EFR3B: variants seen among roughly 807,000 people sequenced by gnomAD.
The protein encoded by EFR3B is protein EFR3 homolog B.
EFR3B carries 64 observed loss-of-function variants against 104.7 expected under a neutral mutation model. The ratio of observed to expected loss-of-function variants is 0.61; its 90% CI spans 0.50 to 0.75. EFR3B has a LOEUF of 0.75. EFR3B is among the 30% of genes least tolerant of loss of function. The pLI, the probability that EFR3B is intolerant of heterozygous loss-of-function variation, is 0.00. For synonymous variants in EFR3B, 385 were observed against 417.9 expected, an observed-to-expected ratio of 0.92 and a Z score of 0.96; for missense variants, 750 against 1,078.5, an observed-to-expected ratio of 0.70 and a Z score of 4.27.
chr2:25,148,788 G>A (rs1033293102), intron 19 of EFR3B, among the ~76,000 whole-genome samples: 3 of 151,316 alleles, frequency 2.0e-5, no homozygotes, highest in African/African-American at 7.3e-5. Context: ...CGGGCGTAGT[G>A]GTGGGCGCCT....
chr2:25,139,966 C>T (rs1339524306), intron 16 of EFR3B, among the ~76,000 whole-genome samples: 2 of 152,168 alleles, frequency 1.3e-5, no homozygotes, highest in African/African-American at 2.4e-5. Context: ...TCTTTTAAAA[C>T]ACATGGAAGT....
chr2:25,100,152 C>T (rs981488690), intron 3 of EFR3B, among the ~76,000 whole-genome samples: 2 of 151,766 alleles, frequency 1.3e-5, no homozygotes, highest in African/African-American at 2.4e-5. Context: ...TGTAGTGAGC[C>T]GAGATTGCGC....
At chr2:25,075,897 C>T (rs1191614356) in intron 1 of EFR3B, among the ~76,000 whole-genome samples, 2 of 152,100 alleles carry the variant, frequency 1.3e-5, no homozygotes, top group Admixed American at 6.6e-5. Context: ...GCCTTGTCCT[C>T]GGGTAGGGTC....
chr2:25,061,138 T>TG (rs1668182235), intron 1 of EFR3B, among the ~76,000 whole-genome samples: 1 of 151,934 alleles, frequency 6.6e-6, no homozygotes, highest in East Asian at 2.0e-4. Context: ...TTTTTTTTTT[T>TG]TTTTTGAAAC....
intron 1 of EFR3B, among the ~76,000 whole-genome samples, chr2:25,053,074 C>A (rs934800933): frequency 6.6e-6 from 1 of 152,184 alleles, no homozygotes; most frequent in Admixed American, 6.5e-5. Context: ...TCTGAATAGT[C>A]CAGAGAATAC....
rs1670540005 is a variant in EFR3B, at chr2:25,137,238, A to G, written c.1561-103A>G. On this transcript the variant is annotated intron_variant, in intron 14 of 22. Transcript: ENST00000403714. This position sits in a 1 kb window ranked among gnomAD's most constrained non-coding sequence, Gnocchi z 4.7. The stretch of plus-strand genomic sequence containing the variant: ...CCCTCCCCAAGGGAGGAGGGGGCAC[A>G]CAGCCATCCTGCCCCCCTTCAGATT... 1 of 1,341,228 alleles carries G rather than the reference A, an allele frequency of 7.5e-7. No individual in the cohort carries two copies. The highest frequency in any genetic ancestry group is 1.0e-6 in the Non-Finnish European group (1 of 981,328). The allele number at this position is 1,341,228 out of a possible 1,614,324, so 83.1% of individuals were successfully genotyped here.
rs545284842 is a variant in EFR3B at position 25,069,448 on chromosome 2, C to A, written c.8-21877C>A. ...AAGTGAGGCTTAGTCTGTGACGGTTCTTGGCTTTGCCCAGGAAAGAATTCA... is the reference window on the plus strand; with the variant it reads ...AAGTGAGGCTTAGTCTGTGACGGTTATTGGCTTTGCCCAGGAAAGAATTCA... On this transcript the variant is annotated intron_variant, in intron 1 of 22. Coordinates refer to ENST00000403714, the MANE Select transcript of EFR3B (RefSeq NM_014971.2). 1.0e-3 allele frequency among the ~76,000 whole-genome samples: 157 copies of A among 152,254 alleles called. 1 individual carries two copies. The highest frequency in any genetic ancestry group is 3.7e-3 in the African/African-American group (154 of 41,536).
At chr2:25,142,218 G>A (rs1340790724) in intron 17 of EFR3B, among the ~76,000 whole-genome samples, 5 of 152,078 alleles carry the variant, frequency 3.3e-5, no homozygotes, top group Admixed American at 6.6e-5. Flanking sequence ...TAAGGTGGGC[G>A]GATCACTTGA....
chr2:25,111,233 C>G (rs1365335603), intron 4 of EFR3B, among the ~76,000 whole-genome samples: 1 of 152,226 alleles, frequency 6.6e-6, no homozygotes, highest in African/African-American at 2.4e-5. Context: ...CCAGCCACCC[C>G]TCTCCATTGT....
In EFR3B at chr2:25,122,446, C is replaced by T. The variant is rs540263435; in HGVS notation, c.485+652C>T. Among the ~76,000 whole-genome samples, 15 of 151,232 alleles carry T rather than the reference C, an allele frequency of 9.9e-5. No individual in the cohort carries two copies. The South Asian group carries it at 3.2e-3, about 32-fold the overall frequency. On this transcript the variant is annotated intron_variant, in intron 5 of 22. Transcript: ENST00000403714. Reference sequence around the variant, plus strand: ...TGCATTTATACTCCAGAAACACACCCACTCACCATTAACCATCAAAATCTA... The same window carrying T: ...TGCATTTATACTCCAGAAACACACCTACTCACCATTAACCATCAAAATCTA...
Position 25,154,443 on chromosome 2 carries a change from A to G in EFR3B, c.*103A>G. On this transcript the variant is annotated 3_prime_UTR_variant, in exon 23 of 23. Transcript: ENST00000403714. This position sits in a 1 kb window ranked among gnomAD's most constrained non-coding sequence, Gnocchi z 4.1. Reference sequence around the variant, plus strand: ...ATCTGGCTGTGATCTCTGAGAAAACATCACCTTAGATGGCAGCGCCTCCCA... The same window carrying G: ...ATCTGGCTGTGATCTCTGAGAAAACGTCACCTTAGATGGCAGCGCCTCCCA... The G allele has an allele frequency of 9.1e-7, 1 of 1,099,102 alleles. No homozygotes were observed. The highest frequency in any genetic ancestry group is 1.3e-6 in the Non-Finnish European group (1 of 756,552). 68.1% of individuals were successfully genotyped at this position (1,099,102 alleles called of 1,614,324 possible).
At chr2:25,060,152 C>T (rs1208219149) in intron 1 of EFR3B, among the ~76,000 whole-genome samples, 6 of 152,046 alleles carry the variant, frequency 3.9e-5, no homozygotes, top group South Asian at 2.1e-4. Context: ...GCTGAGATCA[C>T]GCCATTGCAC....
rs73920648 is a variant in EFR3B at position 25,089,836 on chromosome 2, G to A, written c.8-1489G>A. Among the ~76,000 whole-genome samples the A allele has an allele frequency of 5.8e-3, 884 of 152,218 alleles. 9 individuals are homozygous for A. Among genetic ancestry groups the A allele is most frequent in the African/African-American group, 0.02 (812 of 41,536 alleles). ...GCCTGGTCCCTTCTGTGCTGGGGCG[G>A]GTGGAAGCTGAGGGTGGTGGAGGGG... is the stretch of plus-strand genomic sequence containing the variant. On this transcript the variant is annotated intron_variant, in intron 1 of 22. Coordinates refer to ENST00000403714, the MANE Select transcript of EFR3B (RefSeq NM_014971.2).
In EFR3B at chr2:25,135,561, A is replaced by C. The variant is rs1205506318; in HGVS notation, c.1406A>C (p.Glu469Ala). 6.4e-7 allele frequency: 1 copy of C among 1,552,028 alleles called. No homozygotes were observed. The highest frequency in any genetic ancestry group is 8.7e-7 in the Non-Finnish European group (1 of 1,147,068). Residue 469 changes from glutamate to alanine, a missense_variant, in exon 13 of 23, where the codon GAA becomes GCA. Transcript: ENST00000403714. ...TCCACCGCCCTCATGGAGGATGCAG[A>C]AATTCGACTCTTTGTTCTAGAGATT... ...LLSTALMEDA[E>A]IRLFVLEILI...
chr2:25,105,206 G>A, intron 4 of EFR3B, among the ~76,000 whole-genome samples: 1 of 152,172 alleles, frequency 6.6e-6, no homozygotes, highest in South Asian at 2.1e-4. Context: ...AGGCTGGAGT[G>A]CAGTGGCACA....
At position 25,137,886 on chromosome 2, in the gene EFR3B, C is replaced by T. The variant is rs936097053; in HGVS notation, c.1722+384C>T. The stretch of plus-strand genomic sequence containing the variant: ...CATTTGTCTAAAGATTCTCTGGTTC[C>T]CTTGGCCGGGCGTGGTGGCTCATGC... On this transcript the variant is annotated intron_variant, in intron 15 of 22. Transcript: ENST00000403714. This position sits in a 1 kb window ranked among gnomAD's most constrained non-coding sequence, Gnocchi z 4.7. 6.6e-6 allele frequency among the ~76,000 whole-genome samples: 1 copy of T among 152,150 alleles called. No homozygotes were observed. Among genetic ancestry groups the T allele is most frequent in the Non-Finnish European group, 1.5e-5 (1 of 68,036 alleles).
chr2:25,098,903 T>TC (rs201917473), intron 3 of EFR3B, among the ~76,000 whole-genome samples: 1 of 151,048 alleles, frequency 6.6e-6, no homozygotes, highest in African/African-American at 2.4e-5. Flanking sequence ...TCTGGCATTT[T>TC]TTCAGGAAGA....
chr2:25,042,593 C>T lies in EFR3B; in HGVS notation c.7+274C>T. ...GGCGGAGGCTCAGGGGAAAGCGGGT[C>T]TCCCGGAGCCGAGCAGACCGGGAGT... On this transcript the variant is annotated intron_variant, in intron 1 of 22. Coordinates refer to ENST00000403714, the MANE Select transcript of EFR3B (RefSeq NM_014971.2). The surrounding 1 kb of genome is among the most constrained non-coding windows in gnomAD (Gnocchi z 5.4). 1 of 1,192,270 alleles carries T rather than the reference C, an allele frequency of 8.4e-7. No individual in the cohort carries two copies. Among genetic ancestry groups the T allele is most frequent in the Non-Finnish European group, 1.0e-6 (1 of 962,886 alleles). 73.9% of individuals were successfully genotyped at this position (1,192,270 alleles called of 1,614,324 possible).
chr2:25,080,982 T>C, intron 1 of EFR3B: 1 of 756,442 alleles, frequency 1.3e-6, no homozygotes, highest in Non-Finnish European at 2.5e-6. Context: ...TTCTACAATA[T>C]CAACAGGTTC....
Sources: allele counts gnomAD v4.1 joint callset (sites outside exome capture counted in the v4.1 genomes callset), GRCh38; gene constraint gnomAD v4.1.1; non-coding constraint Gnocchi (gnomAD v3.1); transcripts MANE v1.5; gene names NCBI Gene and HGNC (gene_info 2026-07-23, HGNC 2026-07-21).